FHOD3: variants seen among roughly 807,000 people sequenced by gnomAD.
FHOD3 encodes FH1/FH2 domain-containing protein 3.
Under a neutral mutation model 173.0 loss-of-function variants are expected in FHOD3, and 90 were observed. The observed-to-expected ratio is 0.52, with a 90% CI of 0.44 to 0.62. The LOEUF (loss-of-function observed/expected upper bound fraction) is 0.62, where lower values mean the gene tolerates loss of function less well. Ranked by LOEUF, FHOD3 falls within the 20% of genes least tolerant of loss-of-function variation. The pLI is 0.00. For synonymous variants in FHOD3, 828 were observed against 823.0 expected, an observed-to-expected ratio of 1.01 and a Z score of -0.10; for missense variants, 1,945 against 2,034.7, an observed-to-expected ratio of 0.96 and a Z score of 0.85.
chr18:36,362,275 G>C (rs1478282815), intron 2 of FHOD3, among the ~76,000 whole-genome samples: 1 of 152,188 alleles, frequency 6.6e-6, no homozygotes, highest in Non-Finnish European at 1.5e-5. Context: ...GAGTGGATTG[G>C]GGCCTCACCC....
At chr18:36,761,052 C>T (rs558162931) in intron 27 of FHOD3, among the ~76,000 whole-genome samples, 1 of 152,212 alleles carries the variant, frequency 6.6e-6, no homozygotes, top group Non-Finnish European at 1.5e-5. Context: ...GGTGGGCAGA[C>T]TGCAACCTGC....
intron 2 of FHOD3, among the ~76,000 whole-genome samples, chr18:36,360,538 AGGTTAAGAAG>A (rs1259961801): frequency 1.3e-5 from 2 of 152,158 alleles, no homozygotes; most frequent in Admixed American, 6.5e-5. Context: ...CATCTGGGAA[AGGTTAAGAAG>A]GGCCATGCAG....
intron 3 of FHOD3, among the ~76,000 whole-genome samples, chr18:36,458,826 C>T (rs2052381765): frequency 6.6e-6 from 1 of 152,064 alleles, no homozygotes; most frequent in South Asian, 2.1e-4. Flanking sequence ...TAGTACTTTC[C>T]AGCCTAGAAG....
At chr18:36,714,069 G>T (rs1419539930) in intron 18 of FHOD3, among the ~76,000 whole-genome samples, 1 of 152,156 alleles carries the variant, frequency 6.6e-6, no homozygotes, top group Non-Finnish European at 1.5e-5. Context: ...AAAAAAAGTT[G>T]AGAAAAGATA....
chr18:36,629,942 G>C (rs1386251979), intron 10 of FHOD3, among the ~76,000 whole-genome samples: 2 of 152,064 alleles, frequency 1.3e-5, no homozygotes, highest in Admixed American at 1.3e-4. Flanking sequence ...GCATCTAGTG[G>C]GTGGAGTCCA....
chr18:36,314,177 G>C (rs2092314709), intron 1 of FHOD3, among the ~76,000 whole-genome samples: 1 of 152,212 alleles, frequency 6.6e-6, no homozygotes, highest in African/African-American at 2.4e-5. Flanking sequence ...CCAAAGCCCT[G>C]TTATGGATGA....
chr18:36,492,748 C>T (rs565197358), intron 3 of FHOD3, among the ~76,000 whole-genome samples: 1 of 152,234 alleles, frequency 6.6e-6, no homozygotes, highest in East Asian at 1.9e-4. Context: ...CAGGCTAAAT[C>T]GGGGGTACCT....
intron 3 of FHOD3, among the ~76,000 whole-genome samples, chr18:36,469,757 TC>T (rs2053168547): frequency 1.4e-5 from 2 of 145,340 alleles, no homozygotes. Flanking sequence ...TTAAGGGCGT[TC>T]AAAGTTGTTC....
At position 36,717,899 on chromosome 18, in the gene FHOD3, A is replaced by G; in HGVS notation, c.2601A>G (p.Lys867=). The change falls in exon 19 of 29, where the codon AAA becomes AAG. Residue 867 remains lysine (K), a synonymous_variant. Coordinates refer to ENST00000590592, the MANE Select transcript of FHOD3 (RefSeq NM_001281740.3). The part of the protein sequence containing the change: ...NGQCGDILTN[K]RFMLDMLYAH... ...AGTGTGGCGACATCCTCACCAACAA[A>G]CGGTTCATGCTTGACATGCTGTATG... 6.2e-7 allele frequency: 1 copy of G among 1,612,980 alleles called. No homozygotes were observed. The highest frequency in any genetic ancestry group is 1.7e-5 in the Admixed American group (1 of 59,882).
chr18:36,566,274 C>A (rs918423209), intron 5 of FHOD3, among the ~76,000 whole-genome samples: 11 of 151,538 alleles, frequency 7.3e-5, no homozygotes, highest in African/African-American at 2.7e-4. Flanking sequence ...TTGTATGTAT[C>A]TCTAATGTAT....
chr18:36,575,277 G>A (rs1320103437), intron 5 of FHOD3, among the ~76,000 whole-genome samples: 1 of 152,088 alleles, frequency 6.6e-6, no homozygotes, highest in Non-Finnish European at 1.5e-5. Flanking sequence ...AGCCACTAAT[G>A]TAGTTTTCTT....
chr18:36,607,783 G>T (rs2032241606), intron 8 of FHOD3, among the ~76,000 whole-genome samples: 1 of 151,896 alleles, frequency 6.6e-6, no homozygotes, highest in Non-Finnish European at 1.5e-5. Context: ...CTTAAATTCT[G>T]ACTTTCATTA....
intron 13 of FHOD3, among the ~76,000 whole-genome samples, chr18:36,655,770 C>A (rs985394873): frequency 2.9e-5 from 4 of 139,014 alleles, no homozygotes; most frequent in Non-Finnish European, 6.3e-5. Context: ...CACACACACA[C>A]ACAAAAATGC....
rs540356112 is a variant in FHOD3, at chr18:36,577,336, C to T, written c.606+791C>T. On this transcript the variant is annotated intron_variant, in intron 6 of 28. Coordinates refer to ENST00000590592, the MANE Select transcript of FHOD3 (RefSeq NM_001281740.3). ...TTATTTATTGAGACAGAGTCTTATA[C>T]TCTGTTGCCAGGCTGGAGTACAGTA... 3.9e-5 allele frequency among the ~76,000 whole-genome samples: 6 copies of T among 152,190 alleles called. No homozygotes were observed. The East Asian group carries it at 1.2e-3, about 29-fold the overall frequency.
At chr18:36,759,614 A>G (rs2150253064) in intron 26 of FHOD3, among the ~76,000 whole-genome samples, 1 of 152,304 alleles carries the variant, frequency 6.6e-6, no homozygotes, top group Admixed American at 6.5e-5. Flanking sequence ...TGCTGGTGTT[A>G]ATGGCTCCCA....
At chr18:36,673,803 C>T (rs17680371) in intron 14 of FHOD3, among the ~76,000 whole-genome samples, 5,855 of 152,122 alleles carry the variant, frequency 0.038, 246 homozygotes, top group East Asian at 0.22. Context: ...CATTGCTTCA[C>T]GGACAGAAAT....
At chr18:36,720,468 C>A (rs1271208202) in intron 19 of FHOD3, among the ~76,000 whole-genome samples, 4 of 152,022 alleles carry the variant, frequency 2.6e-5, no homozygotes, top group Non-Finnish European at 4.4e-5. Flanking sequence ...AAACTCTCAA[C>A]CTCAGGTGAT....
At chr18:36,393,008 A>G (rs965575585) in intron 3 of FHOD3, among the ~76,000 whole-genome samples, 1 of 152,230 alleles carries the variant, frequency 6.6e-6, no homozygotes, top group Non-Finnish European at 1.5e-5. Context: ...AAGTCTGCCC[A>G]CAATATGCCT....
At chr18:36,406,824 G>C (rs1052642610) in intron 3 of FHOD3, among the ~76,000 whole-genome samples, 3 of 152,132 alleles carry the variant, frequency 2.0e-5, no homozygotes, top group African/African-American at 7.2e-5. Context: ...CCCCACTAGG[G>C]TACTCTCTGT....
Sources: gnomAD v4.1 joint callset for allele counts (sites outside exome capture counted in the v4.1 genomes callset) on GRCh38, gnomAD v4.1.1 for gene constraint, MANE v1.5 for transcripts, NCBI Gene and HGNC (gene_info 2026-07-23, HGNC 2026-07-21) for gene names.